The following THRB variants were observed in gnomAD, a reference collection of about 807,000 sequenced individuals.
THRB encodes thyroid hormone receptor beta, also known as nuclear receptor subfamily 1 group A member 2.
THRB carries 12 observed loss-of-function variants against 47.8 expected under a neutral mutation model. The ratio of observed to expected loss-of-function variants is 0.25; its 90% CI spans 0.16 to 0.41. The LOEUF is 0.41. Among genes scored for constraint, THRB ranks in the 10% least tolerant of loss-of-function variants. The pLI, the probability that THRB is intolerant of heterozygous loss-of-function variation, is 1.00. For synonymous variants in THRB, 218 were observed against 212.2 expected (o/e 1.03, Z -0.24); for missense variants, 348 against 589.2 (o/e 0.59, Z 4.24).
chr3:24,303,316 G>A (rs7609746), intron 2 of THRB, among the ~76,000 whole-genome samples: 1 of 152,090 alleles, frequency 6.6e-6, no homozygotes, highest in Non-Finnish European at 1.5e-5. Context: ...GGGCCAAAGG[G>A]TGGTCAGCAA....
intron 3 of THRB, among the ~76,000 whole-genome samples, chr3:24,269,909 CT>C (rs2053147234): frequency 6.6e-6 from 1 of 151,936 alleles, no homozygotes; most frequent in Non-Finnish European, 1.5e-5. Flanking sequence ...AATTTTGGTC[CT>C]TCCTTCTTTG....
intron 3 of THRB, among the ~76,000 whole-genome samples, chr3:24,261,897 A>G (rs887668941): frequency 1.9e-4 from 29 of 152,172 alleles, no homozygotes; most frequent in African/African-American, 6.8e-4. Flanking sequence ...TTTTCCATCC[A>G]GCCTTTACAA....
chr3:24,251,175 G>A (rs1478194632), intron 3 of THRB, among the ~76,000 whole-genome samples: 1 of 152,010 alleles, frequency 6.6e-6, no homozygotes, highest in Non-Finnish European at 1.5e-5. Flanking sequence ...AATAACAAAT[G>A]TTAAAACCTA....
chr3:24,357,439 T>C (rs960069294), intron 1 of THRB, among the ~76,000 whole-genome samples: 1 of 142,608 alleles, frequency 7.0e-6, no homozygotes, highest in Non-Finnish European at 1.5e-5. Flanking sequence ...TAAAACATTA[T>C]GTGGTTAAAA....
rs115118797 is a variant in THRB at position 24,174,830 on chromosome 3, G to A, written c.283+15244C>T. Among the ~76,000 whole-genome samples, 1,485 of 152,244 alleles carry A rather than the reference G, an allele frequency of 9.8e-3. 12 individuals carry two copies. Among genetic ancestry groups the A allele is most frequent in the Non-Finnish European group, 0.015 (1,045 of 68,016 alleles). On this transcript the variant is annotated intron_variant, in intron 5 of 10. Transcript: ENST00000646209. ...TAGACATGACTGTTCCTGTTTTAGA[G>A]ATAAGGAAACTGAGACTCAGGGAGG...
At chr3:24,246,904 T>C (rs2050162250) in intron 3 of THRB, among the ~76,000 whole-genome samples, 4 of 152,180 alleles carry the variant, frequency 2.6e-5, no homozygotes, top group Admixed American at 2.6e-4. Context: ...TTACCTACTA[T>C]AAACAAACAT....
chr3:24,188,705 G>A (rs1667739), intron 5 of THRB, among the ~76,000 whole-genome samples: 30,860 of 151,752 alleles, frequency 0.2, 3,453 homozygotes, highest in Admixed American at 0.31. Flanking sequence ...CATACGCTAA[G>A]AGTAAATCTC....
intron 1 of THRB, among the ~76,000 whole-genome samples, chr3:24,408,360 C>T (rs2067998445): frequency 6.6e-6 from 1 of 151,856 alleles, no homozygotes; most frequent in African/African-American, 2.4e-5. Context: ...GATTTGCTGT[C>T]ATTTGGCTTC....
rs5003844 is a variant in THRB, at chr3:24,233,560, G to A, written c.-42-4559C>T. On this transcript the variant is annotated intron_variant, in intron 3 of 10. Transcript: ENST00000646209. ...GAAAGAAAGAGAAAGAAAGAAAAAG[G>A]AAGAAAGAAAGAAAGAAAGAAAGAA... is the stretch of plus-strand genomic sequence containing the variant. 6.2e-4 allele frequency among the ~76,000 whole-genome samples: 48 copies of A among 77,348 alleles called. 1 individual carries two copies. The highest frequency in any genetic ancestry group is 1.1e-3 in the South Asian group (2 of 1,806). 50.7% of individuals were successfully genotyped at this position (77,348 alleles called of 152,430 possible).
intron 3 of THRB, among the ~76,000 whole-genome samples, chr3:24,254,179 C>G (rs1358306532): frequency 8.9e-6 from 1 of 112,536 alleles, no homozygotes; most frequent in African/African-American, 3.5e-5. Flanking sequence ...CTGGCTAACA[C>G]AGTGAAACCC....
At chr3:24,273,138 A>ACACACACACC (rs2053529928) in intron 3 of THRB, among the ~76,000 whole-genome samples, 1 of 152,124 alleles carries the variant, frequency 6.6e-6, no homozygotes, top group Non-Finnish European at 1.5e-5. Flanking sequence ...AAACACACAC[A>ACACACACACC]CACACACACC....
chr3:24,332,195 TC>T (rs766782980), intron 2 of THRB, among the ~76,000 whole-genome samples: 18 of 152,048 alleles, frequency 1.2e-4, no homozygotes, highest in Non-Finnish European at 1.9e-4. Context: ...TTTCTACCCC[TC>T]CCCCATTGTT....
chr3:24,130,494 C>G (rs1220883537), intron 9 of THRB, among the ~76,000 whole-genome samples: 1 of 152,094 alleles, frequency 6.6e-6, no homozygotes, highest in Non-Finnish European at 1.5e-5. Context: ...ATATGACTGG[C>G]AGGCTGGCTA....
In THRB at chr3:24,123,080, T is replaced by C. The variant is rs1381988718; in HGVS notation, c.1190A>G (p.Asp397Gly). 6 of 1,614,164 alleles carry C rather than the reference T, an allele frequency of 3.7e-6. No homozygotes were observed. The highest frequency in any genetic ancestry group is 1.7e-5 in the Admixed American group (1 of 60,024). Residue 397 changes from aspartate to glycine, a missense_variant, in exon 11 of 11, where the codon GAT becomes GGT. Asp to Gly is a moderately conservative substitution (Grantham distance 94, BLOSUM62 -1). Around this residue, in one of 5 missense-constraint regions of THRB, gnomAD observed 36 missense variants for 51.7 expected, o/e 0.70. Transcript: ENST00000646209. ...ACVERIEKYQ[D>G]SFLLAFEHYI... ...GTGTTCAAAGGCCAGCAGGAAACTA[T>C]CTTGGTACTTTTCTATTCTCTCAAC... is the stretch of plus-strand genomic sequence containing the variant.
intron 3 of THRB, among the ~76,000 whole-genome samples, chr3:24,233,045 T>C (rs998312604): frequency 2.6e-5 from 4 of 152,270 alleles, no homozygotes; most frequent in African/African-American, 9.6e-5. Flanking sequence ...TTCTACCTGT[T>C]CTCAGCCCAG....
In THRB at chr3:24,327,394, A is replaced by C. The variant is rs185300374; in HGVS notation, c.-189+9906T>G. Among the ~76,000 whole-genome samples, 48 of 152,300 alleles carry C rather than the reference A, an allele frequency of 3.2e-4. No homozygotes were observed. The South Asian group carries it at 7.7e-3, about 24-fold the overall frequency. On this transcript the variant is annotated intron_variant, in intron 2 of 10. Transcript: ENST00000646209. The stretch of plus-strand genomic sequence containing the variant: ...AATCCTAATGGTAAGTGTTTAAATC[A>C]TTCATCAGTAGACAATGGAATAAAT...
At chr3:24,422,994 A>T (rs2069413529) in intron 1 of THRB, among the ~76,000 whole-genome samples, 1 of 151,886 alleles carries the variant, frequency 6.6e-6, no homozygotes, top group East Asian at 1.9e-4. Flanking sequence ...TTTTGAAGCC[A>T]GCTTCTGTGT....
At chr3:24,398,918 G>A (rs1416137819) in intron 1 of THRB, among the ~76,000 whole-genome samples, 1 of 152,134 alleles carries the variant, frequency 6.6e-6, no homozygotes, top group African/African-American at 2.4e-5. Context: ...ATGAGTTCAT[G>A]TCCTTTGTAG....
At chr3:24,458,058 G>A (rs1327518877) in intron 1 of THRB, 3 of 152,186 alleles carry the variant, frequency 2.0e-5, no homozygotes, top group African/African-American at 7.2e-5. Context: ...CAAGTCCCCA[G>A]GGGAAGTCTA....
Sources: allele counts gnomAD v4.1 joint callset (sites outside exome capture counted in the v4.1 genomes callset), GRCh38; gene constraint gnomAD v4.1.1; regional missense constraint gnomAD v4.1.1; transcripts MANE v1.5; gene names NCBI Gene and HGNC (gene_info 2026-07-23, HGNC 2026-07-21).